Variants in NOTCH2 observed in about 807,000 individuals in gnomAD.
NOTCH2 encodes the protein notch receptor 2.
A neutral mutation model predicts 235.8 loss-of-function variants in NOTCH2; 29 were observed. The ratio of observed to expected loss-of-function variants is 0.12; its 90% CI spans 0.09 to 0.17. The LOEUF (loss-of-function observed/expected upper bound fraction) is 0.17. Among genes scored for constraint, NOTCH2 ranks in the 10% least tolerant of loss-of-function variants. NOTCH2 has a pLI of 1.00. For missense variants in NOTCH2, 2,285 were observed against 3,150.2 expected (o/e 0.73, Z 6.57); for synonymous variants, 1,086 against 1,141.5 (o/e 0.95, Z 0.98).
chr1:119,940,475 C>A, intron 19 of NOTCH2, 80 bp downstream of exon 19: 13 of 1,306,142 alleles, frequency 1.0e-5, no homozygotes, highest in Non-Finnish European at 1.3e-5. Flanking sequence ...TTAGAAGGAA[C>A]TTATTCAGAC....
chr1:119,999,913 GAGAGAGAA>G (rs1652650506), intron 3 of NOTCH2, among the ~76,000 whole-genome samples: 1 of 110,268 alleles, frequency 9.1e-6, no homozygotes, highest in East Asian at 2.5e-4. Flanking sequence ...AAGAGAGAAA[GAGAGAGAA>G]AGAAAGAAAG....
At chr1:119,970,399 G>A (rs959735085) in intron 5 of NOTCH2, among the ~76,000 whole-genome samples, 1 of 152,214 alleles carries the variant, frequency 6.6e-6, no homozygotes, top group Non-Finnish European at 1.5e-5. Context: ...AAGTATGGAT[G>A]TGAAGGGCAA....
In NOTCH2 at chr1:119,942,095, T is replaced by C. The variant is rs186147970; in HGVS notation, c.2753-341A>G. ...CAATATTTTCAAAAGGTATATGTGA[T>C]TGTGGAGTGTGTGGGGGAGGACAAA... On this transcript the variant is annotated intron_variant, in intron 17 of 33. Coordinates refer to ENST00000256646, the MANE Select transcript of NOTCH2 (RefSeq NM_024408.4). Among the ~76,000 whole-genome samples the C allele has an allele frequency of 3.8e-3, 579 of 152,324 alleles. 1 individual carries two copies. The highest frequency in any genetic ancestry group is 0.014 in the Middle Eastern group (4 of 294).
chr1:120,034,335 CAAAAAAAAA>C (rs558577685), intron 1 of NOTCH2, among the ~76,000 whole-genome samples: 1 of 55,802 alleles, frequency 1.8e-5, no homozygotes, highest in African/African-American at 1.5e-4. Context: ...TCTACTCCAC[CAAAAAAAAA>C]AAAAAAAAAA....
intron 17 of NOTCH2, among the ~76,000 whole-genome samples, chr1:119,946,975 T>A (rs1553197107): frequency 6.6e-6 from 1 of 152,086 alleles, no homozygotes; most frequent in Non-Finnish European, 1.5e-5. Flanking sequence ...GTTAGTTTAG[T>A]ACAGTAAGAA....
chr1:119,960,300 T>G (rs1353651942), intron 11 of NOTCH2, among the ~76,000 whole-genome samples: 1 of 152,062 alleles, frequency 6.6e-6, no homozygotes, highest in Admixed American at 6.5e-5. Context: ...CTGTCAGTAT[T>G]GTAGGCTAAA....
intron 5 of NOTCH2, among the ~76,000 whole-genome samples, chr1:119,970,517 G>A (rs1432054606): frequency 6.6e-6 from 1 of 152,260 alleles, no homozygotes; most frequent in African/African-American, 2.4e-5. Flanking sequence ...AATGTACTAG[G>A]AGATGGAAAA....
chr1:120,011,486 T>A (rs1352327921), intron 2 of NOTCH2, among the ~76,000 whole-genome samples: 2 of 152,240 alleles, frequency 1.3e-5, no homozygotes, highest in Non-Finnish European at 2.9e-5. Flanking sequence ...TTTCTTCACC[T>A]TTTTAGTGGT....
intron 14 of NOTCH2, among the ~76,000 whole-genome samples, chr1:119,951,662 G>T (rs2101119544): frequency 6.6e-6 from 1 of 152,274 alleles, no homozygotes; most frequent in Admixed American, 6.5e-5. Context: ...CTAAGAAAAG[G>T]ATAAAAGGAA....
In NOTCH2 at chr1:119,977,272, C is replaced by T. The variant is rs144855718; in HGVS notation, c.875-7528G>A. On this transcript the variant is annotated intron_variant, in intron 5 of 33. Coordinates refer to ENST00000256646, the MANE Select transcript of NOTCH2 (RefSeq NM_024408.4). ...ACAGTATCTCTATTCTGTTCCTACC[C>T]AAAGTGTCCGTCACCCTTGTCTACA... 2.7e-3 allele frequency among the ~76,000 whole-genome samples: 406 copies of T among 152,126 alleles called. 6 individuals carry two copies. Among genetic ancestry groups the T allele is most frequent in the Middle Eastern group, 0.014 (4 of 294 alleles).
At chr1:120,014,406 CAA>C (rs58978608) in intron 2 of NOTCH2, among the ~76,000 whole-genome samples, 35 of 148,556 alleles carry the variant, frequency 2.4e-4, no homozygotes, top group Middle Eastern at 3.5e-3. Flanking sequence ...AACCCCATCT[CAA>C]AAAAAAAAAA....
intron 2 of NOTCH2, among the ~76,000 whole-genome samples, chr1:120,014,216 C>T (rs1689991): frequency 6.6e-6 from 1 of 151,784 alleles, no homozygotes; most frequent in Non-Finnish European, 1.5e-5. Flanking sequence ...TTTTAAACTC[C>T]ATAAACTAAT....
intron 4 of NOTCH2, among the ~76,000 whole-genome samples, chr1:119,987,589 A>T (rs1337784727): frequency 1.1e-4 from 16 of 152,152 alleles, no homozygotes; most frequent in Admixed American, 1.0e-3. Flanking sequence ...AAGTATGAAG[A>T]TATGGATCAA....
chr1:119,925,905 C>T, intron 24 of NOTCH2, 95 bp from the exon 25 acceptor site: 13 of 1,399,328 alleles, frequency 9.3e-6, no homozygotes, highest in Non-Finnish European at 1.3e-5. Flanking sequence ...ATCTCACTCC[C>T]TTCTGTACTT....
At chr1:119,965,414 T>G (rs781969907) in intron 10 of NOTCH2, 39 bp downstream of exon 10, 1 of 1,481,350 alleles carries the variant, frequency 6.8e-7, no homozygotes, top group Non-Finnish European at 9.4e-7. Context: ...TTTGTTCAGA[T>G]GGACCTACCA....
At chr1:119,933,110 AAAT>A (rs1553195369) in intron 22 of NOTCH2, among the ~76,000 whole-genome samples, 103 of 152,352 alleles carry the variant, frequency 6.8e-4, no homozygotes, top group Non-Finnish European at 1.2e-3. Context: ...AAATGAGCAT[AAAT>A]GCATATTTCC....
At chr1:119,952,172 T>C (rs2453054) in intron 14 of NOTCH2, among the ~76,000 whole-genome samples, 148,944 of 152,270 alleles carry the variant, frequency 0.98, 72,928 homozygotes, top group East Asian at 1. Context: ...GGTAGAAATA[T>C]AACAGTGATA....
At chr1:119,926,914 A>T (rs1178766348) in intron 23 of NOTCH2, among the ~76,000 whole-genome samples, 1 of 152,270 alleles carries the variant, frequency 6.6e-6, no homozygotes, top group Non-Finnish European at 1.5e-5. Context: ...ATCACACTTC[A>T]GCTTTTTGAA....
intron 7 of NOTCH2, 110 bp from the exon 8 acceptor site, chr1:119,967,731 T>C (rs948840040): frequency 1.4e-5 from 13 of 928,246 alleles, no homozygotes; most frequent in South Asian, 1.3e-4. Flanking sequence ...CCTTCAATAA[T>C]ATCATTCCCA....
Sources: allele counts gnomAD v4.1 joint callset (sites outside exome capture counted in the v4.1 genomes callset), GRCh38; gene constraint gnomAD v4.1.1; transcripts MANE v1.5; gene names NCBI Gene and HGNC (gene_info 2026-07-23, HGNC 2026-07-21).